The following RASSF3 variants were observed in gnomAD, a reference collection of about 807,000 sequenced individuals.
The protein encoded by RASSF3 is ras association domain-containing protein 3.
In RASSF3, 19 loss-of-function variants were observed where a neutral mutation model predicts 19.9. The observed-to-expected ratio is 0.96, with a 90% CI of 0.67 to 1.40. The LOEUF (loss-of-function observed/expected upper bound fraction) is 1.40. RASSF3 is among the 40% of genes most tolerant of loss of function. RASSF3 has a pLI of 0.00. For synonymous variants in RASSF3, 110 were observed against 104.2 expected, an observed-to-expected ratio of 1.06 and a Z score of -0.34; for missense variants, 306 against 289.8, an observed-to-expected ratio of 1.06 and a Z score of -0.41.
At chr12:64,565,380 C>T (rs2136127464) in intron 2 of RASSF3, among the ~76,000 whole-genome samples, 1 of 150,278 alleles carries the variant, frequency 6.7e-6, no homozygotes, top group East Asian at 2.0e-4. Context: ...AGTTCAAGAC[C>T]AGGCTTGCCA....
At chr12:64,521,660 G>T (rs17823286) in intron 1 of RASSF3, among the ~76,000 whole-genome samples, 2 of 152,006 alleles carry the variant, frequency 1.3e-5, no homozygotes, top group East Asian at 3.9e-4. Context: ...CGTCTATGTC[G>T]CTGTTTTCCA....
chr12:64,564,635 G>A (rs1047990888), intron 2 of RASSF3, among the ~76,000 whole-genome samples: 3 of 152,054 alleles, frequency 2.0e-5, no homozygotes, highest in African/African-American at 7.2e-5. Flanking sequence ...GCCTGCCTTG[G>A]CCTCCCAAAG....
At chr12:64,682,135 G>T (rs1480100123) in intron 1 of RASSF3, among the ~76,000 whole-genome samples, 2 of 152,170 alleles carry the variant, frequency 1.3e-5, no homozygotes, top group Non-Finnish European at 1.5e-5. Flanking sequence ...TTGGCAAATA[G>T]GATGCTCCCA....
intron 2 of RASSF3, among the ~76,000 whole-genome samples, chr12:64,550,324 G>A (rs1315418177): frequency 6.6e-6 from 1 of 151,944 alleles, no homozygotes; most frequent in Non-Finnish European, 1.5e-5. Context: ...AGAGGGGAGA[G>A]GAGGAGAGGA....
rs140752620 is a variant in RASSF3 at position 64,658,764 on chromosome 12, A to T, written c.112-26023A>T. Reference sequence around the variant, plus strand: ...TGCAGTGAACTGAAAGTGAAACTCTATCTCAAAAAGAAGAATGAATTATGC... The same window carrying T: ...TGCAGTGAACTGAAAGTGAAACTCTTTCTCAAAAAGAAGAATGAATTATGC... On this transcript the variant is annotated intron_variant, in intron 1 of 4. Transcript: ENST00000542104. 8.1e-3 allele frequency among the ~76,000 whole-genome samples: 1,226 copies of T among 152,234 alleles called. 17 individuals carry two copies. The highest frequency in any genetic ancestry group is 0.028 in the African/African-American group (1,173 of 41,554).
At chr12:64,528,595 G>A (rs1372982120), upstream of RASSF3, among the ~76,000 whole-genome samples, 1 of 152,198 alleles carries the variant, frequency 6.6e-6, no homozygotes, top group Non-Finnish European at 1.5e-5. Context: ...TTGTTAGCCT[G>A]ACATTAGGAA....
intron 2 of RASSF3, among the ~76,000 whole-genome samples, chr12:64,601,453 A>G (rs921153073): frequency 2.6e-4 from 40 of 152,222 alleles, no homozygotes; most frequent in African/African-American, 9.4e-4. Flanking sequence ...GCCATCATCT[A>G]TGGATGAAGA....
intron 1 of RASSF3, among the ~76,000 whole-genome samples, chr12:64,631,883 A>G (rs1405194376): frequency 6.6e-6 from 1 of 151,850 alleles, no homozygotes; most frequent in Non-Finnish European, 1.5e-5. Flanking sequence ...CCTGTTTTTT[A>G]TTTATTTTTA....
chr12:64,633,024 C>T (rs932904217), intron 1 of RASSF3, among the ~76,000 whole-genome samples: 1 of 152,124 alleles, frequency 6.6e-6, no homozygotes, highest in Admixed American at 6.5e-5. Context: ...TAAATCTAAG[C>T]AGTTTCAATA....
At chr12:64,613,270 A>G (rs1031746140) in intron 1 of RASSF3, among the ~76,000 whole-genome samples, 3 of 152,132 alleles carry the variant, frequency 2.0e-5, no homozygotes, top group Non-Finnish European at 4.4e-5. Context: ...GACATACATC[A>G]TAGTAGTGAA....
intron 2 of RASSF3, among the ~76,000 whole-genome samples, chr12:64,567,691 T>C (rs961821607): frequency 6.6e-6 from 1 of 152,258 alleles, no homozygotes. Flanking sequence ...TAATACACTT[T>C]GGAACTGCAA....
intron 2 of RASSF3, among the ~76,000 whole-genome samples, chr12:64,588,531 T>C (rs1350667901): frequency 2.6e-5 from 4 of 151,990 alleles, no homozygotes; most frequent in Non-Finnish European, 4.4e-5. Flanking sequence ...AAAAAAAAGA[T>C]ATCTTTTTTC....
At chr12:64,645,756 T>G (rs1871708832) in intron 1 of RASSF3, among the ~76,000 whole-genome samples, 1 of 152,192 alleles carries the variant, frequency 6.6e-6, no homozygotes, top group Non-Finnish European at 1.5e-5. Flanking sequence ...AATTGGGGTA[T>G]CACTTATATA....
intron 1 of RASSF3, among the ~76,000 whole-genome samples, chr12:64,613,179 A>T (rs575417045): frequency 1.3e-5 from 2 of 152,050 alleles, no homozygotes; most frequent in Admixed American, 6.6e-5. Flanking sequence ...CTTAATGTAG[A>T]ATGTTCCTTT....
intron 1 of RASSF3, among the ~76,000 whole-genome samples, chr12:64,526,439 C>T (rs1203438509): frequency 1.3e-5 from 2 of 152,066 alleles, no homozygotes; most frequent in Non-Finnish European, 2.9e-5. Context: ...ATTTTGTGTC[C>T]TTTGACCAAT....
chr12:64,680,077 G>A (rs1873065715), intron 1 of RASSF3, among the ~76,000 whole-genome samples: 1 of 152,014 alleles, frequency 6.6e-6, no homozygotes. Flanking sequence ...GCCCCTCCTG[G>A]GTTTCGTTTT....
At chr12:64,641,621 C>A (rs1401173442) in intron 1 of RASSF3, among the ~76,000 whole-genome samples, 1 of 138,960 alleles carries the variant, frequency 7.2e-6, no homozygotes, top group Non-Finnish European at 1.5e-5. Context: ...TATGGTGAGA[C>A]CCCATCTCTC....
At position 64,610,613 on chromosome 12, in the gene RASSF3, C is replaced by T. The variant is rs1870313736; in HGVS notation, c.-20C>T. ...GCCTGCGCCCCGGGGAGGCCGCCCG[C>T]GCGCGACGGGACCGGCAGCATGAGC... On this transcript the variant is annotated 5_prime_UTR_variant, in exon 1 of 5. Transcript: ENST00000542104. The T allele has an allele frequency of 1.4e-6, 2 of 1,474,586 alleles. No homozygotes were observed. The highest frequency in any genetic ancestry group is 1.8e-6 in the Non-Finnish European group (2 of 1,104,902). 91.3% of individuals were successfully genotyped at this position (1,474,586 alleles called of 1,614,324 possible).
Position 64,662,296 on chromosome 12 carries a change from C to G in RASSF3, c.112-22491C>G, listed in dbSNP as rs1322836726. ...ATTAGCCAGGCCTGGTGGCGCTTGC[C>G]TGTAGTCCCAGCTACTCAGGAGGCT... is the stretch of plus-strand genomic sequence containing the variant. On this transcript the variant is annotated intron_variant, in intron 1 of 4. Coordinates refer to ENST00000542104, the MANE Select transcript of RASSF3 (RefSeq NM_178169.4). 2.6e-5 allele frequency among the ~76,000 whole-genome samples: 4 copies of G among 151,296 alleles called. No individual in the cohort carries two copies. In the East Asian group the frequency reaches 7.7e-4, roughly 29 times the overall value.
Sources: gnomAD v4.1 joint callset for allele counts (sites outside exome capture counted in the v4.1 genomes callset) on GRCh38, gnomAD v4.1.1 for gene constraint, MANE v1.5 for transcripts, NCBI Gene and HGNC (gene_info 2026-07-23, HGNC 2026-07-21) for gene names.